ADAMTS9: variants seen among roughly 807,000 people sequenced by gnomAD.
ADAMTS9 encodes ADAM metallopeptidase with thrombospondin type 1 motif 9.
ADAMTS9 carries 107 observed loss-of-function variants against 257.1 expected under a neutral mutation model. That is an observed-to-expected ratio of 0.42 (90% CI 0.36 to 0.49). The LOEUF (loss-of-function observed/expected upper bound fraction) is 0.49, where lower values mean the gene tolerates loss of function less well. Ranked by LOEUF, ADAMTS9 falls within the 20% of genes least tolerant of loss-of-function variation. ADAMTS9 has a pLI of 0.03. For synonymous variants in ADAMTS9, 982 were observed against 880.9 expected (o/e 1.11, Z -2.03); for missense variants, 2,353 against 2,469.1 (o/e 0.95, Z 1.00).
At chr3:64,674,156 G>C (rs748382328) in intron 3 of ADAMTS9, among the ~76,000 whole-genome samples, 5 of 151,800 alleles carry the variant, frequency 3.3e-5, no homozygotes, top group Non-Finnish European at 5.9e-5. Context: ...TCAAGTTGAA[G>C]AAATAAAGAA....
rs1700418064 is a variant in ADAMTS9 at position 64,633,455 on chromosome 3, C to T, written c.2175+17G>A. ...CAGCGGGAAAACACAGTGAAGAAAA[C>T]ACCATCAAGGACTTACCCGGCAAAG... On this transcript the variant is annotated intron_variant, in intron 14 of 39. Coordinates refer to ENST00000498707, the MANE Select transcript of ADAMTS9 (RefSeq NM_182920.2). 3 of 1,613,226 alleles carry T rather than the reference C, an allele frequency of 1.9e-6. No homozygotes were observed. Among genetic ancestry groups the T allele is most frequent in the African/African-American group, 1.3e-5 (1 of 74,908 alleles).
intron 32 of ADAMTS9, among the ~76,000 whole-genome samples, chr3:64,545,796 C>T (rs2083189452): frequency 6.6e-6 from 1 of 152,066 alleles, no homozygotes; most frequent in Non-Finnish European, 1.5e-5. Flanking sequence ...CAGGATGTCA[C>T]CATGTTGGCC....
In ADAMTS9 at chr3:64,686,531, G is replaced by A. The variant is rs1701911905; in HGVS notation, c.516+37C>T. On this transcript the variant is annotated intron_variant, in intron 2 of 39. Coordinates refer to ENST00000498707, the MANE Select transcript of ADAMTS9 (RefSeq NM_182920.2). This position sits in a 1 kb window ranked among gnomAD's most constrained non-coding sequence, Gnocchi z 4.6. ...TAAGTCTTCTAGAAGCGGGCGAGGA[G>A]GCGGAAGGGGAGAGGAGGTGGCGCG... The A allele has an allele frequency of 2.6e-6, 4 of 1,552,130 alleles. No individual in the cohort carries two copies. The South Asian group carries it at 4.9e-5, about 19-fold the overall frequency.
chr3:64,645,689 G>T (rs1049961012), intron 11 of ADAMTS9, among the ~76,000 whole-genome samples: 1 of 152,092 alleles, frequency 6.6e-6, no homozygotes, highest in Non-Finnish European at 1.5e-5. Context: ...TGCTAGACAT[G>T]GCCACTTTTC....
At chr3:64,674,343 T>C (rs764754548) in intron 3 of ADAMTS9, among the ~76,000 whole-genome samples, 1 of 152,142 alleles carries the variant, frequency 6.6e-6, no homozygotes, top group Non-Finnish European at 1.5e-5. Flanking sequence ...GCTCAAACCA[T>C]AAATCCCAAA....
chr3:64,546,241 A>AT (rs1015028652), intron 32 of ADAMTS9, among the ~76,000 whole-genome samples: 89 of 146,700 alleles, frequency 6.1e-4, no homozygotes, highest in Middle Eastern at 3.6e-3. Flanking sequence ...TGCATTTAAG[A>AT]TTTTTTTTTT....
chr3:64,556,428 C>A (rs2083333978), intron 30 of ADAMTS9, among the ~76,000 whole-genome samples: 1 of 152,146 alleles, frequency 6.6e-6, no homozygotes, highest in Non-Finnish European at 1.5e-5. Context: ...TTAAGCAATC[C>A]TCTCACTTCA....
chr3:64,542,430 C>CTTTTCTTTTT (rs2083137293), intron 32 of ADAMTS9, among the ~76,000 whole-genome samples: 1 of 124,564 alleles, frequency 8.0e-6, no homozygotes, highest in Non-Finnish European at 1.6e-5. Context: ...TTCTTTCTTT[C>CTTTTCTTTTT]TTTTTTTTTT....
intron 25 of ADAMTS9, among the ~76,000 whole-genome samples, chr3:64,602,558 A>G (rs1576104961): frequency 6.6e-6 from 1 of 152,126 alleles, no homozygotes; most frequent in South Asian, 2.1e-4. Context: ...TGACCCATCT[A>G]CCATTCGCCA....
Position 64,530,874 on chromosome 3 carries a change from A to G in ADAMTS9, c.5718+2292T>C, listed in dbSNP as rs551422829. On this transcript the variant is annotated intron_variant, in intron 38 of 39. Coordinates refer to ENST00000498707, the MANE Select transcript of ADAMTS9 (RefSeq NM_182920.2). ...TTGGTTCTGGGTCACTGAAACATACAGTGTATTTCAAAACATCATGTTGTA... is the reference window on the plus strand; with the variant it reads ...TTGGTTCTGGGTCACTGAAACATACGGTGTATTTCAAAACATCATGTTGTA... Among the ~76,000 whole-genome samples the G allele has an allele frequency of 5.3e-5, 8 of 152,288 alleles. No individual in the cohort carries two copies. The South Asian group carries it at 1.5e-3, about 28-fold the overall frequency.
intron 30 of ADAMTS9, among the ~76,000 whole-genome samples, chr3:64,552,164 T>A (rs970620667): frequency 6.6e-6 from 1 of 152,240 alleles, no homozygotes; most frequent in Non-Finnish European, 1.5e-5. Flanking sequence ...GAGCCTAAGT[T>A]ACTTGCCCCA....
chr3:64,684,421 T>C (rs759266996), intron 2 of ADAMTS9, among the ~76,000 whole-genome samples: 1 of 152,120 alleles, frequency 6.6e-6, no homozygotes, highest in Non-Finnish European at 1.5e-5. Context: ...CAAAATCTGG[T>C]AGACTCTGGT....
intron 26 of ADAMTS9, among the ~76,000 whole-genome samples, chr3:64,597,294 C>T (rs4423761): frequency 0.05 from 7,567 of 152,200 alleles, 582 homozygotes; most frequent in African/African-American, 0.17. Context: ...GTCTTTATCC[C>T]CTCTGCATCT....
At position 64,616,184 on chromosome 3, in the gene ADAMTS9, A is replaced by T. The variant is rs1281835363; in HGVS notation, c.2814-14T>A. The T allele has an allele frequency of 6.2e-7, 1 of 1,613,788 alleles. No homozygotes were observed. Among genetic ancestry groups the T allele is most frequent in the South Asian group, 1.1e-5 (1 of 91,080 alleles). ...GCAACATGCCACCTATGCAAAAATA[A>T]TGGGGCAAAACCAACATTTCTGTTA... On this transcript the variant is annotated splice_polypyrimidine_tract_variant and intron_variant, in intron 19 of 39. Transcript: ENST00000498707.
intron 2 of ADAMTS9, among the ~76,000 whole-genome samples, chr3:64,684,650 G>T (rs931686818): frequency 3.9e-5 from 6 of 152,148 alleles, no homozygotes; most frequent in African/African-American, 7.2e-5. Context: ...AAAAGAGGCA[G>T]ACTGCGAATT....
intron 28 of ADAMTS9, chr3:64,588,927 G>A (rs1245464172): frequency 6.6e-6 from 1 of 152,168 alleles, no homozygotes; most frequent in Non-Finnish European, 1.5e-5. Context: ...AAATTCGTAT[G>A]TCATAACACT....
intron 26 of ADAMTS9, among the ~76,000 whole-genome samples, chr3:64,600,051 C>CTTTTTTTT (rs35753372): frequency 3.6e-4 from 37 of 104,186 alleles, no homozygotes; most frequent in East Asian, 5.7e-4. Context: ...AGTTTCTGTT[C>CTTTTTTTT]TTTTTTTTTT....
chr3:64,592,243 T>C (rs1404455317), intron 28 of ADAMTS9: 1 of 152,222 alleles, frequency 6.6e-6, no homozygotes, highest in Non-Finnish European at 1.5e-5. Context: ...ATTTGAATAA[T>C]GATCACTTTA....
chr3:64,633,253 T>A (rs1472619254), intron 14 of ADAMTS9, among the ~76,000 whole-genome samples: 2 of 151,752 alleles, frequency 1.3e-5, no homozygotes, highest in East Asian at 3.9e-4. Context: ...AGACTGAAAA[T>A]GTCAAGAAAA....
Sources: allele counts gnomAD v4.1 joint callset (sites outside exome capture counted in the v4.1 genomes callset), GRCh38; gene constraint gnomAD v4.1.1; non-coding constraint Gnocchi (gnomAD v3.1); transcripts MANE v1.5; gene names NCBI Gene and HGNC (gene_info 2026-07-23, HGNC 2026-07-21).